TNFAIP2: variants seen among roughly 807,000 people sequenced by gnomAD.
The protein encoded by TNFAIP2 is tumor necrosis factor alpha-induced protein 2.
TNFAIP2 carries 47 observed loss-of-function variants against 63.5 expected under a neutral mutation model. That is an observed-to-expected ratio of 0.74 (90% CI 0.59 to 0.94). TNFAIP2 has a LOEUF of 0.94. Ranked by LOEUF, TNFAIP2 falls within the 40% of genes least tolerant of loss-of-function variation. The pLI, the probability that TNFAIP2 is intolerant of heterozygous loss-of-function variation, is 0.00. For missense variants in TNFAIP2, 787 were observed against 850.2 expected (o/e 0.93, Z 0.92); for synonymous variants, 405 against 390.2 (o/e 1.04, Z -0.45).
At chr14:103,128,919 G>A (rs1338363933) in intron 3 of TNFAIP2, among the ~76,000 whole-genome samples, 2 of 152,252 alleles carry the variant, frequency 1.3e-5, no homozygotes, top group Non-Finnish European at 2.9e-5. Context: ...GTGAGAGGGT[G>A]CCCAGGGGGG....
At chr14:103,129,261 C>T (rs931598983) in intron 3 of TNFAIP2, among the ~76,000 whole-genome samples, 6 of 152,292 alleles carry the variant, frequency 3.9e-5, no homozygotes, top group African/African-American at 1.4e-4. Context: ...GATTCCAGGG[C>T]TGCTGTGAGT....
In TNFAIP2 at chr14:103,123,843, A is replaced by G. The variant is rs1279038946; in HGVS notation, c.-257A>G. On this transcript the variant is annotated 5_prime_UTR_variant, in exon 1 of 12. Transcript: ENST00000560869. ...TCCTCGCCCGTGCCCGGGTGTCCTC[A>G]TCGGGGGATGGGTGCGCCTTCCACA... The G allele has an allele frequency of 2.0e-5, 3 of 152,328 alleles. No homozygotes were observed. Among genetic ancestry groups the G allele is most frequent in the Non-Finnish European group, 4.4e-5 (3 of 68,130 alleles). The allele number at this position is 152,328 out of a possible 1,614,324, so 9.4% of individuals were successfully genotyped here.
Position 103,132,878 on chromosome 14 carries a change from G to T in TNFAIP2, c.1545+6G>T. The T allele has an allele frequency of 1.2e-6, 2 of 1,613,612 alleles. No individual in the cohort carries two copies. Among genetic ancestry groups the T allele is most frequent in the South Asian group, 2.2e-5 (2 of 90,870 alleles). ...TGCAGGGCTGTTTCCGGGAGGTGAG[G>T]AGGCTCTGGGCTGGTGGCTGGGTCT... On this transcript the variant is annotated splice_donor_region_variant and intron_variant, in intron 9 of 11. Coordinates refer to ENST00000560869, the MANE Select transcript of TNFAIP2 (RefSeq NM_006291.4).
Position 103,132,591 on chromosome 14 carries a change from C to T in TNFAIP2, c.1423-159C>T, listed in dbSNP as rs2087999470. On this transcript the variant is annotated intron_variant, in intron 8 of 11. Transcript: ENST00000560869. The stretch of plus-strand genomic sequence containing the variant: ...CCACTTCCTGTCTGTGAGCAGGGAC[C>T]TGAGGTTGGCCCGGGTTCCCTGGGA... The T allele has an allele frequency of 6.7e-6, 7 of 1,048,376 alleles. No individual in the cohort carries two copies. The South Asian group carries it at 8.1e-5, about 12-fold the overall frequency. 64.9% of individuals were successfully genotyped at this position (1,048,376 alleles called of 1,614,324 possible).
rs190970267 is a variant in TNFAIP2, at chr14:103,130,220, C to G, written c.1099-95C>G. 200 of 1,536,278 alleles carry G rather than the reference C, an allele frequency of 1.3e-4. 1 individual carries two copies. The South Asian group carries it at 2.3e-3, about 18-fold the overall frequency. ...CCTGTGTGCATACCCATGCCCACCT[C>G]GGGGCACCCCCTCTGTTCCCGCCTG... On this transcript the variant is annotated intron_variant, in intron 5 of 11. Transcript: ENST00000560869.
intron 10 of TNFAIP2, 60 bp from the exon 11 acceptor site, chr14:103,133,622 C>T (rs949287214): frequency 4.6e-5 from 72 of 1,554,460 alleles, no homozygotes; most frequent in Non-Finnish European, 5.6e-5. Flanking sequence ...CTAAGCCCAA[C>T]GAGTCGCTGA....
rs1174852107 is a variant in TNFAIP2 at position 103,135,707 on chromosome 14, T to G, written c.*347T>G. 1.6e-6 allele frequency: 2 copies of G among 1,246,980 alleles called. No homozygotes were observed. Among genetic ancestry groups the G allele is most frequent in the Non-Finnish European group, 2.0e-6 (2 of 976,770 alleles). 77.2% of individuals were successfully genotyped at this position (1,246,980 alleles called of 1,614,324 possible). Reference sequence around the variant, plus strand: ...CCCGGACACCTCTGTCCAGAGCCCCTCCACAGTCGGCCTCATGACTGTCCT... The same window carrying G: ...CCCGGACACCTCTGTCCAGAGCCCCGCCACAGTCGGCCTCATGACTGTCCT... On this transcript the variant is annotated 3_prime_UTR_variant, in exon 12 of 12. Transcript: ENST00000560869. This position sits in a 1 kb window ranked among gnomAD's most constrained non-coding sequence, Gnocchi z 7.6.
chr14:103,122,046 T>C (rs978024779), upstream of TNFAIP2, among the ~76,000 whole-genome samples: 1 of 152,082 alleles, frequency 6.6e-6, no homozygotes, highest in African/African-American at 2.4e-5. Flanking sequence ...GCGGTGCCGG[T>C]GGAAGGACCC....
Position 103,133,817 on chromosome 14 carries a change from G to A in TNFAIP2, c.1823+14G>A, listed in dbSNP as rs372317246. 14 of 1,577,694 alleles carry A rather than the reference G, an allele frequency of 8.9e-6. No individual in the cohort carries two copies. Among genetic ancestry groups the A allele is most frequent in the Non-Finnish European group, 1.2e-5 (14 of 1,172,662 alleles). On this transcript the variant is annotated intron_variant, in intron 11 of 11. Transcript: ENST00000560869. ...CCCTGACTTCAGGTGAGAACCTGGGGCACCTCAGGACCACTGTCACATCAC... is the reference window on the plus strand; with the variant it reads ...CCCTGACTTCAGGTGAGAACCTGGGACACCTCAGGACCACTGTCACATCAC...
In TNFAIP2 at chr14:103,131,903, G is replaced by C; in HGVS notation, c.1422+141G>C. On this transcript the variant is annotated intron_variant, in intron 8 of 11. Coordinates refer to ENST00000560869, the MANE Select transcript of TNFAIP2 (RefSeq NM_006291.4). This position sits in a 1 kb window ranked among gnomAD's most constrained non-coding sequence, Gnocchi z 4.0. ...GGCCTGTGGACGGCACCGTGGGCCA[G>C]CTCTGGTGCAGCGGTGATGCCCGGT... The C allele has an allele frequency of 8.0e-7, 1 of 1,247,580 alleles. No homozygotes were observed. The highest frequency in any genetic ancestry group is 1.5e-5 in the South Asian group (1 of 66,020). 77.3% of individuals were successfully genotyped at this position (1,247,580 alleles called of 1,614,324 possible).
chr14:103,130,012 G>A lies in TNFAIP2; in HGVS notation c.986G>A (p.Arg329Lys). Residue 329 changes from arginine (R) to lysine (K), a missense_variant, in exon 5 of 12, where the codon AGG becomes AAG. Physicochemically the swap from Arg to Lys is conservative, Grantham distance 26. This residue lies in a region of TNFAIP2 where 523 missense variants were observed against 604.1 expected (regional missense o/e 0.87). Transcript: ENST00000560869. ...TFLSSEAANV[R>K]ELMDRALELE... ...CCCCTCCTCCTCCAGGCCAATGTGA[G>A]GGAGTTGATGGACCGAGCTCTGGAG... 1 of 1,612,080 alleles carries A rather than the reference G, an allele frequency of 6.2e-7. No individual in the cohort carries two copies. The highest frequency in any genetic ancestry group is 8.5e-7 in the Non-Finnish European group (1 of 1,179,878).
chr14:103,121,794 G>A (rs886674725), upstream of TNFAIP2, among the ~76,000 whole-genome samples: 1 of 151,950 alleles, frequency 6.6e-6, no homozygotes, highest in Non-Finnish European at 1.5e-5. Flanking sequence ...TGCCTTCGAG[G>A]GGACAGTGGG....
In TNFAIP2 at chr14:103,135,342, C is replaced by T. The variant is rs146608837; in HGVS notation, c.1947C>T (p.Ser649=). 246 of 1,610,460 alleles carry T rather than the reference C, an allele frequency of 1.5e-4. 1 individual carries two copies. The African/African-American group carries it at 2.9e-3, about 19-fold the overall frequency. The change falls in exon 12 of 12, where the codon TCC becomes TCT. Residue 649 remains serine, a synonymous_variant. Coordinates refer to ENST00000560869, the MANE Select transcript of TNFAIP2 (RefSeq NM_006291.4). This position sits in a 1 kb window ranked among gnomAD's most constrained non-coding sequence, Gnocchi z 7.6. The part of the protein sequence containing the change: ...GAQEPSRPLF[S]LIKVG Reference sequence around the variant, plus strand: ...AGGAGCCCTCCCGGCCCCTATTTTCCCTTATAAAGGTTGGTTAGCTTTTCC... The same window carrying T: ...AGGAGCCCTCCCGGCCCCTATTTTCTCTTATAAAGGTTGGTTAGCTTTTCC...
At chr14:103,129,604 G>A (rs2087928070) in intron 3 of TNFAIP2, 136 bp from the exon 4 acceptor site, 1 of 687,776 alleles carries the variant, frequency 1.5e-6, no homozygotes, top group African/African-American at 1.8e-5. Flanking sequence ...CTGAAATGGG[G>A]ACCGGGTGGG....
At chr14:103,122,192 C>A (rs1006434910), upstream of TNFAIP2, among the ~76,000 whole-genome samples, 19 of 152,214 alleles carry the variant, frequency 1.2e-4, no homozygotes, top group Admixed American at 3.3e-4. Context: ...TCCGCTCCCC[C>A]ACAGGTTCCC....
Position 103,129,842 on chromosome 14 carries a change from G to A in TNFAIP2, c.963G>A (p.Leu321=). 6.2e-7 allele frequency: 1 copy of A among 1,613,930 alleles called. No individual in the cohort carries two copies. Among genetic ancestry groups the A allele is most frequent in the African/African-American group, 1.3e-5 (1 of 75,048 alleles). The change falls in exon 4 of 12, where the codon CTG becomes CTA. Residue 321 remains leucine (L), a synonymous_variant. Transcript: ENST00000560869. ...TCCGACTGCTGGAGGCCACATTCCT[G>A]TCCAGTGAGGCGGTGAGTCTCCACC... is the stretch of plus-strand genomic sequence containing the variant. The part of the protein sequence containing the change: ...RQIRLLEATF[L]SSEAANVREL...
intron 1 of TNFAIP2, among the ~76,000 whole-genome samples, chr14:103,125,412 C>T (rs1015294112): frequency 6.6e-5 from 10 of 152,200 alleles, no homozygotes; most frequent in East Asian, 1.9e-4. Context: ...GCTCTGGGAC[C>T]GGGTGGCCTG....
rs1474248488 is a variant in TNFAIP2 at position 103,131,780 on chromosome 14, C to T, written c.1422+18C>T. The T allele has an allele frequency of 1.2e-6, 2 of 1,605,412 alleles. No homozygotes were observed. Among genetic ancestry groups the T allele is most frequent in the Admixed American group, 1.7e-5 (1 of 59,834 alleles). On this transcript the variant is annotated intron_variant, in intron 8 of 11. Transcript: ENST00000560869. The surrounding 1 kb of genome is among the most constrained non-coding windows in gnomAD (Gnocchi z 4.0). ...ACCTGAAGGTAGCGGGAGCCTCTTG[C>T]CCTCAGGAGCCCAGTGTTGGGGGGT... is the stretch of plus-strand genomic sequence containing the variant.
chr14:103,132,593 G>A, intron 8 of TNFAIP2, 157 bp from the exon 9 acceptor site: 1 of 1,066,380 alleles, frequency 9.4e-7, no homozygotes. Flanking sequence ...GCAGGGACCT[G>A]AGGTTGGCCC....
Sources: gnomAD v4.1 joint callset for allele counts (sites outside exome capture counted in the v4.1 genomes callset) on GRCh38, gnomAD v4.1.1 for gene constraint, gnomAD v4.1.1 regional missense constraint, Gnocchi (gnomAD v3.1) non-coding constraint, MANE v1.5 for transcripts, NCBI Gene and HGNC (gene_info 2026-07-23, HGNC 2026-07-21) for gene names.